The following CADM1 variants were observed in gnomAD, a reference collection of about 807,000 sequenced individuals.
CADM1 encodes the protein cell adhesion molecule 1.
A neutral mutation model predicts 53.1 loss-of-function variants in CADM1; 15 were observed. The ratio of observed to expected loss-of-function variants is 0.28; its 90% confidence interval spans 0.19 to 0.44. CADM1 has a LOEUF of 0.44. Ranked by LOEUF, CADM1 falls within the 20% of genes least tolerant of loss-of-function variation. The pLI is 1.00. For synonymous variants in CADM1, 281 were observed against 243.0 expected (o/e 1.16, Z -1.45); for missense variants, 434 against 611.3 (o/e 0.71, Z 3.06).
At chr11:115,428,170 C>T (rs1947943723) in intron 1 of CADM1, among the ~76,000 whole-genome samples, 1 of 151,882 alleles carries the variant, frequency 6.6e-6, no homozygotes, top group African/African-American at 2.4e-5. Context: ...GACAAAGGTA[C>T]AAATATTTAT....
intron 1 of CADM1, among the ~76,000 whole-genome samples, chr11:115,385,192 A>C (rs1946670546): frequency 6.6e-6 from 1 of 152,176 alleles, no homozygotes; most frequent in Non-Finnish European, 1.5e-5. Flanking sequence ...CAAAAAAAAA[A>C]AAAACAGATT....
intron 1 of CADM1, 136 bp from the exon 2 acceptor site, chr11:115,240,556 T>G (rs1190251208): frequency 1.1e-6 from 1 of 870,120 alleles, no homozygotes. Flanking sequence ...TCTAATACCT[T>G]TCTTTGTAGT....
intron 1 of CADM1, among the ~76,000 whole-genome samples, chr11:115,478,627 G>A (rs1169968215): frequency 6.6e-6 from 1 of 152,000 alleles, no homozygotes; most frequent in Non-Finnish European, 1.5e-5. Flanking sequence ...TAAACAATAT[G>A]CAAAGTTAAC....
chr11:115,353,869 T>C (rs1352292326), intron 1 of CADM1, among the ~76,000 whole-genome samples: 1 of 152,142 alleles, frequency 6.6e-6, no homozygotes, highest in Non-Finnish European at 1.5e-5. Context: ...AATCAGGAAC[T>C]AGGAGTATTC....
At chr11:115,176,683 A>G (rs761664065) in intron 11 of CADM1, 91 bp from the exon 12 acceptor site, 7 of 1,066,246 alleles carry the variant, frequency 6.6e-6, no homozygotes, top group Non-Finnish European at 1.0e-5. Flanking sequence ...GGCCATCATC[A>G]GCCGAAGTGG....
At chr11:115,347,132 A>G (rs1565378900) in intron 1 of CADM1, among the ~76,000 whole-genome samples, 1 of 152,222 alleles carries the variant, frequency 6.6e-6, no homozygotes, top group Non-Finnish European at 1.5e-5. Flanking sequence ...ATAGACTGCT[A>G]TAAAGAATCT....
intron 1 of CADM1, among the ~76,000 whole-genome samples, chr11:115,447,622 A>T (rs1948480362): frequency 6.6e-6 from 1 of 152,192 alleles, no homozygotes; most frequent in Admixed American, 6.5e-5. Flanking sequence ...GAGCTTCTCT[A>T]GCATCCATCT....
At chr11:115,463,858 T>C (rs1400955522) in intron 1 of CADM1, among the ~76,000 whole-genome samples, 1 of 133,838 alleles carries the variant, frequency 7.5e-6, no homozygotes, top group African/African-American at 2.7e-5. Context: ...AAGCTTTTTT[T>C]TTTTGGGCCG....
intron 1 of CADM1, among the ~76,000 whole-genome samples, chr11:115,379,028 G>A (rs771941609): frequency 6.6e-6 from 1 of 152,192 alleles, no homozygotes; most frequent in Non-Finnish European, 1.5e-5. Context: ...CACAATAAAT[G>A]ATAAATGTCT....
chr11:115,281,783 T>C (rs374451600), intron 1 of CADM1, among the ~76,000 whole-genome samples: 2 of 151,836 alleles, frequency 1.3e-5, no homozygotes, highest in South Asian at 2.1e-4. Context: ...TCCTAATAAA[T>C]AAAAAGAATG....
chr11:115,434,872 T>A (rs965362988), intron 1 of CADM1, among the ~76,000 whole-genome samples: 1 of 147,552 alleles, frequency 6.8e-6, no homozygotes, highest in Admixed American at 6.7e-5. Flanking sequence ...TATTTTTTTT[T>A]TTTTTTGAGA....
intron 1 of CADM1, among the ~76,000 whole-genome samples, chr11:115,334,562 CT>C (rs1171176688): frequency 3.9e-5 from 6 of 152,094 alleles, no homozygotes; most frequent in African/African-American, 1.4e-4. Context: ...TGTTGTTAAT[CT>C]CTTATTGTGC....
chr11:115,330,007 G>A (rs761462878), intron 1 of CADM1, among the ~76,000 whole-genome samples: 16 of 150,948 alleles, frequency 1.1e-4, no homozygotes, highest in Non-Finnish European at 2.4e-4. Flanking sequence ...AGGGTCTGGG[G>A]TTTATATGGG....
chr11:115,394,799 T>C (rs1565404213), intron 1 of CADM1, among the ~76,000 whole-genome samples: 2 of 152,134 alleles, frequency 1.3e-5, no homozygotes, highest in South Asian at 4.1e-4. Context: ...TGTTTTATAG[T>C]CTTGATGCAA....
chr11:115,217,153 G>C (rs1268650845), intron 6 of CADM1, among the ~76,000 whole-genome samples: 1 of 152,054 alleles, frequency 6.6e-6, no homozygotes, highest in African/African-American at 2.4e-5. Flanking sequence ...AGTGTCCCCT[G>C]CCCAGTAAGT....
chr11:115,271,722 A>G (rs1188878948), intron 1 of CADM1, among the ~76,000 whole-genome samples: 1 of 152,218 alleles, frequency 6.6e-6, no homozygotes, highest in East Asian at 1.9e-4. Context: ...GAGACTTTAT[A>G]ATACAAAGAG....
chr11:115,423,984 T>G (rs758079438), intron 1 of CADM1, among the ~76,000 whole-genome samples: 1 of 152,218 alleles, frequency 6.6e-6, no homozygotes, highest in Non-Finnish European at 1.5e-5. Context: ...TCCATCTTGT[T>G]TGCTCTGCCT....
At chr11:115,353,715 G>C (rs545175017) in intron 1 of CADM1, among the ~76,000 whole-genome samples, 3 of 152,204 alleles carry the variant, frequency 2.0e-5, no homozygotes, top group South Asian at 4.1e-4. Flanking sequence ...GCTCTGACCT[G>C]GAGGTTCAGG....
chr11:115,240,087 A>G (rs1043793206), intron 2 of CADM1, among the ~76,000 whole-genome samples, 187 bp downstream of exon 2: 2 of 152,212 alleles, frequency 1.3e-5, no homozygotes, highest in Non-Finnish European at 2.9e-5. Flanking sequence ...TACTTTTAAA[A>G]GGGGCCATTC....
Sources: gnomAD v4.1 joint callset for allele counts (sites outside exome capture counted in the v4.1 genomes callset) on GRCh38, gnomAD v4.1.1 for gene constraint, MANE v1.5 for transcripts, NCBI Gene and HGNC (gene_info 2026-07-23, HGNC 2026-07-21) for gene names.